The following EIF4A3 variants were observed in gnomAD, a reference collection of about 807,000 sequenced individuals.
EIF4A3 encodes eukaryotic translation initiation factor 4A3, also known as eukaryotic initiation factor 4A-III.
Under a neutral mutation model 55.6 loss-of-function variants are expected in EIF4A3, and 1 was observed. The observed-to-expected ratio is 0.02, with a 90% CI of 0.01 to 0.09. The LOEUF (loss-of-function observed/expected upper bound fraction) is 0.09, where lower values mean the gene tolerates loss of function less well. EIF4A3 is among the 10% of genes least tolerant of loss of function. The probability of loss-of-function intolerance (pLI) is 1.00; values close to 1 mark genes in which losing one functional copy is unlikely to be tolerated. For synonymous variants in EIF4A3, 194 were observed against 196.3 expected (o/e 0.99, Z 0.10); for missense variants, 221 against 540.7 (o/e 0.41, Z 5.86).
intron 8 of EIF4A3, 29 bp from the exon 9 acceptor site, chr17:80,137,530 C>T (rs751575019): frequency 1.3e-6 from 2 of 1,581,014 alleles, no homozygotes; most frequent in Non-Finnish European, 8.7e-7. Context: ...GATGCTACTG[C>T]AAGCTAGTAT....
chr17:80,142,235 G>A (rs2039624413), intron 2 of EIF4A3, among the ~76,000 whole-genome samples: 1 of 152,264 alleles, frequency 6.6e-6, no homozygotes, highest in South Asian at 2.1e-4. Flanking sequence ...GGCAAACGAG[G>A]AATAAAGCTA....
At chr17:80,144,129 C>A in intron 2 of EIF4A3, 43 bp downstream of exon 2, 1 of 1,602,998 alleles carries the variant, frequency 6.2e-7, no homozygotes, top group African/African-American at 1.3e-5. Flanking sequence ...CTGCGCTGCC[C>A]AAATTTACAT....
At chr17:80,135,917 C>A in intron 11 of EIF4A3, 87 bp downstream of exon 11, 1 of 1,539,072 alleles carries the variant, frequency 6.5e-7, no homozygotes, top group Non-Finnish European at 8.8e-7. Flanking sequence ...AAAAAACCCA[C>A]AACAACAAAA....
Position 80,134,480 on chromosome 17 carries a change from T to C in EIF4A3, c.*1010A>G, listed in dbSNP as rs1030687380. ...ATGATCCTGCCACTATACTCCTGCCTGGGCGACAGGGAGATCCTGGGCTCT... is the reference window on the plus strand; with the variant it reads ...ATGATCCTGCCACTATACTCCTGCCCGGGCGACAGGGAGATCCTGGGCTCT... On this transcript the variant is annotated 3_prime_UTR_variant, in exon 12 of 12. Coordinates refer to ENST00000649764, the MANE Select transcript of EIF4A3 (RefSeq NM_014740.4). Among the ~76,000 whole-genome samples, 11 of 152,002 alleles carry C rather than the reference T, an allele frequency of 7.2e-5. No homozygotes were observed. Among genetic ancestry groups the C allele is most frequent in the African/African-American group, 2.7e-4 (11 of 41,420 alleles).
At chr17:80,141,889 A>T (rs1420877689) in intron 2 of EIF4A3, 41 bp from the exon 3 acceptor site, 1 of 1,564,064 alleles carries the variant, frequency 6.4e-7, no homozygotes, top group Non-Finnish European at 8.8e-7. Flanking sequence ...GAGGGAGGAC[A>T]GGCCACGCCA....
chr17:80,137,280 T>C (rs1435981598), intron 9 of EIF4A3, 106 bp downstream of exon 9: 12 of 964,538 alleles, frequency 1.2e-5, no homozygotes, highest in South Asian at 1.8e-5. Context: ...GAGCAGAAGC[T>C]TGGCATCCCC....
At chr17:80,139,898 G>A in intron 5 of EIF4A3, 110 bp downstream of exon 5, 1 of 1,528,562 alleles carries the variant, frequency 6.5e-7, no homozygotes, top group African/African-American at 1.4e-5. Flanking sequence ...AAGTGACCCA[G>A]GTGCAAAAGT....
rs1269798285 is a variant in EIF4A3 at position 80,141,882 on chromosome 17, G to A, written c.243-34C>T. 10 of 1,598,078 alleles carry A rather than the reference G, an allele frequency of 6.3e-6. No homozygotes were observed. In the African/African-American group the frequency reaches 8.1e-5, roughly 13 times the overall value. On this transcript the variant is annotated intron_variant, in intron 2 of 11. Transcript: ENST00000649764. ...GGAAACAAAAGCAGTGGGATTAGAG[G>A]GAGGACAGGCCACGCCACAGCTGCA...
chr17:80,142,588 A>G (rs2039626962), intron 2 of EIF4A3, among the ~76,000 whole-genome samples: 1 of 152,178 alleles, frequency 6.6e-6, no homozygotes, highest in Non-Finnish European at 1.5e-5. Context: ...TCTAAACAAA[A>G]CAAAAAACTA....
At position 80,135,185 on chromosome 17, in the gene EIF4A3, AG is replaced by A. The variant is rs1229553165; in HGVS notation, c.*304del. 2 of 315,510 alleles carry A rather than the reference AG, an allele frequency of 6.3e-6. No individual in the cohort carries two copies. The highest frequency in any genetic ancestry group is 1.1e-5 in the Non-Finnish European group (2 of 174,194). 19.5% of individuals were successfully genotyped at this position (315,510 alleles called of 1,614,324 possible). On this transcript the variant is annotated 3_prime_UTR_variant, in exon 12 of 12. Transcript: ENST00000649764. ...AAGAAAAAGAAAAGAAAAAAAGAAA[AG>A]TGAGTGAAATGACCCAAGACTACAC... is the stretch of plus-strand genomic sequence containing the variant.
chr17:80,138,299 T>C lies in EIF4A3; in HGVS notation c.729-19A>G. On this transcript the variant is annotated intron_variant, in intron 7 of 11. Coordinates refer to ENST00000649764, the MANE Select transcript of EIF4A3 (RefSeq NM_014740.4). ...TTCATCACTGAAGGACAAAGACAAA[T>C]CCTGTTACATACTCATCCTTCCTTC... The C allele has an allele frequency of 6.2e-7, 1 of 1,613,020 alleles. No individual in the cohort carries two copies. Among genetic ancestry groups the C allele is most frequent in the African/African-American group, 1.3e-5 (1 of 74,990 alleles).
In EIF4A3 at chr17:80,137,472, T is replaced by C. The variant is rs1337430527; in HGVS notation, c.897A>G (p.Glu299=). 4 of 1,613,814 alleles carry C rather than the reference T, an allele frequency of 2.5e-6. No homozygotes were observed. In the East Asian group the frequency reaches 8.9e-5, roughly 36 times the overall value. The part of the protein sequence containing the change: ...KVDWLTEKMR[E]ANFTVSSMHG... ...GCATTGAGGATACAGTGAAGTTGGC[T>C]TCCCTCATTTTCTCCGTCAGCCAGT... Residue 299 remains glutamate (E), a synonymous_variant, in exon 9 of 12, where the codon GAA becomes GAG. Transcript: ENST00000649764.
At chr17:80,137,246 G>A in intron 9 of EIF4A3, 140 bp downstream of exon 9, 1 of 657,660 alleles carries the variant, frequency 1.5e-6, no homozygotes, top group Non-Finnish European at 2.5e-6. Flanking sequence ...AAGGTTTTCT[G>A]CTCACCCAGG....
intron 1 of EIF4A3, among the ~76,000 whole-genome samples, chr17:80,144,671 A>T (rs959970114): frequency 7.7e-6 from 1 of 130,550 alleles, no homozygotes; most frequent in African/African-American, 2.8e-5. Flanking sequence ...TTTTTAAATT[A>T]AAAAAAAAAA....
In EIF4A3 at chr17:80,135,157, AAAAAG is replaced by A; in HGVS notation, c.*328_*332del. On this transcript the variant is annotated 3_prime_UTR_variant, in exon 12 of 12. Coordinates refer to ENST00000649764, the MANE Select transcript of EIF4A3 (RefSeq NM_014740.4). ...ACAGAGGGAGACTGTCTCAAAAAAAAAAAAGAAAAAGAAAAGAAAAAAAGAAAAGT... is the reference window on the plus strand; with the variant it reads ...ACAGAGGGAGACTGTCTCAAAAAAAAAAAAAGAAAAGAAAAAAAGAAAAGT... The A allele has an allele frequency of 4.3e-6, 1 of 230,688 alleles. No individual in the cohort carries two copies. The highest frequency in any genetic ancestry group is 8.4e-6 in the Non-Finnish European group (1 of 119,508). 14.3% of individuals were successfully genotyped at this position (230,688 alleles called of 1,614,324 possible). A position where few individuals can be genotyped will look rare whatever the true frequency, so the allele number is the denominator to read the frequency against.
At chr17:80,137,319 A>C in intron 9 of EIF4A3, 67 bp downstream of exon 9, 1 of 1,376,446 alleles carries the variant, frequency 7.3e-7, no homozygotes, top group Non-Finnish European at 1.0e-6. Context: ...CTTAGGCGGT[A>C]CATATGAAGT....
In EIF4A3 at chr17:80,135,168, G is replaced by T; in HGVS notation, c.*322C>A. 3.9e-6 allele frequency: 1 copy of T among 258,212 alleles called. No individual in the cohort carries two copies. Among genetic ancestry groups the T allele is most frequent in the Non-Finnish European group, 7.3e-6 (1 of 137,906 alleles). The allele number at this position is 258,212 out of a possible 1,614,324, so 16.0% of individuals were successfully genotyped here. A position where few individuals can be genotyped will look rare whatever the true frequency, so the allele number is the denominator to read the frequency against. On this transcript the variant is annotated 3_prime_UTR_variant, in exon 12 of 12. Transcript: ENST00000649764. ...CTGTCTCAAAAAAAAAAAAGAAAAA[G>T]AAAAGAAAAAAAGAAAAGTGAGTGA...
At chr17:80,137,695 T>G in intron 8 of EIF4A3, 194 bp from the exon 9 acceptor site, 1 of 554,496 alleles carries the variant, frequency 1.8e-6, no homozygotes, top group Non-Finnish European at 3.2e-6. Flanking sequence ...CAAAACCCTC[T>G]TACTTCATTT....
rs1441669520 is a variant in EIF4A3 at position 80,139,767 on chromosome 17, T to A, written c.506-17A>T. 1 of 1,609,336 alleles carries A rather than the reference T, an allele frequency of 6.2e-7. No homozygotes were observed. ...GAATCATATCTATAACATGAGATTT[T>A]GAAATACTTACGACAAATCACATCT... On this transcript the variant is annotated splice_polypyrimidine_tract_variant and intron_variant, in intron 5 of 11. Coordinates refer to ENST00000649764, the MANE Select transcript of EIF4A3 (RefSeq NM_014740.4).
Sources: gnomAD v4.1 joint callset for allele counts (sites outside exome capture counted in the v4.1 genomes callset) on GRCh38, gnomAD v4.1.1 for gene constraint, MANE v1.5 for transcripts, NCBI Gene and HGNC (gene_info 2026-07-23, HGNC 2026-07-21) for gene names.